Variants in HUS1 observed in about 807,000 individuals in gnomAD.
HUS1 encodes the protein HUS1 checkpoint clamp component, also known as checkpoint protein HUS1.
HUS1 carries 31 observed loss-of-function variants against 32.6 expected under a neutral mutation model. That is an observed-to-expected ratio of 0.95 (90% CI 0.72 to 1.28). HUS1 has a LOEUF of 1.28. HUS1 is among the 50% of genes most tolerant of loss of function. The probability of loss-of-function intolerance (pLI) is 0.00; values close to 1 mark genes in which losing one functional copy is unlikely to be tolerated. For missense variants in HUS1, 340 were observed against 337.7 expected (o/e 1.01, Z -0.05); for synonymous variants, 123 against 116.6 (o/e 1.06, Z -0.36).
chr7:47,979,113 G>T (rs551893371), intron 1 of HUS1, among the ~76,000 whole-genome samples: 1 of 152,220 alleles, frequency 6.6e-6, no homozygotes, highest in Admixed American at 6.5e-5. Flanking sequence ...ACAGTTAAAT[G>T]CAAGGTTAGG....
intron 1 of HUS1, 80 bp downstream of exon 1, chr7:47,979,388 G>C: frequency 6.5e-7 from 1 of 1,531,852 alleles, no homozygotes; most frequent in South Asian, 1.1e-5. Context: ...TCCCCGTTCT[G>C]ATCCTCCTGC....
At chr7:47,974,335 T>C (rs1029819906) in intron 5 of HUS1, among the ~76,000 whole-genome samples, 1 of 140,534 alleles carries the variant, frequency 7.1e-6, no homozygotes, top group Non-Finnish European at 1.5e-5. Flanking sequence ...TGATTTACCA[T>C]GTACACTGGA....
intron 7 of HUS1, among the ~76,000 whole-genome samples, chr7:47,965,747 G>A (rs761224818): frequency 4.6e-5 from 7 of 152,184 alleles, no homozygotes; most frequent in Non-Finnish European, 1.0e-4. Context: ...GCAGCGAAGA[G>A]CAGCTCCTCA....
chr7:47,975,356 C>T (rs1288165141), intron 5 of HUS1, among the ~76,000 whole-genome samples: 1 of 148,696 alleles, frequency 6.7e-6, no homozygotes, highest in Non-Finnish European at 1.5e-5. Context: ...ATGTTTCATA[C>T]AAAATATAAG....
intron 7 of HUS1, 68 bp from the exon 8 acceptor site, chr7:47,965,506 A>C (rs981459714): frequency 4.4e-6 from 5 of 1,149,194 alleles, no homozygotes; most frequent in African/African-American, 1.5e-5. Context: ...CTACTTTTTC[A>C]GAACAGCCTT....
Position 47,964,638 on chromosome 7 carries a change from GAAGA to G in HUS1, c.*714_*717del, listed in dbSNP as rs145853357. Reference sequence around the variant, plus strand: ...AGAACGACAGATCCGATACACTGTGGAAGAAAGAAATATAAGGAATTACAACCTA... The same window carrying G: ...AGAACGACAGATCCGATACACTGTGGAAGAAATATAAGGAATTACAACCTA... On this transcript the variant is annotated 3_prime_UTR_variant, in exon 8 of 8. Coordinates refer to ENST00000258774, the MANE Select transcript of HUS1 (RefSeq NM_004507.4). The G allele has an allele frequency of 6.6e-6, 1 of 152,332 alleles. No homozygotes were observed. The highest frequency in any genetic ancestry group is 1.5e-5 in the Non-Finnish European group (1 of 68,042). 9.4% of individuals were successfully genotyped at this position (152,332 alleles called of 1,614,324 possible).
chr7:47,969,050 C>A, intron 6 of HUS1, 169 bp downstream of exon 6: 1 of 551,454 alleles, frequency 1.8e-6, no homozygotes, highest in Non-Finnish European at 3.2e-6. Context: ...CTAACTGCCC[C>A]ACTACACCAC....
At chr7:47,978,667 C>A in intron 2 of HUS1, 22 bp downstream of exon 2, 3 of 1,613,780 alleles carry the variant, frequency 1.9e-6, no homozygotes, top group Non-Finnish European at 2.5e-6. Context: ...AGTGTGCAGG[C>A]CTCTCAGAAG....
Position 47,979,401 on chromosome 7 carries a change from G to C in HUS1, c.52+67C>G, listed in dbSNP as rs1437921388. 18 of 1,564,266 alleles carry C rather than the reference G, an allele frequency of 1.2e-5. No individual in the cohort carries two copies. In the East Asian group the frequency reaches 4.0e-4, roughly 35 times the overall value. On this transcript the variant is annotated intron_variant, in intron 1 of 7. Coordinates refer to ENST00000258774, the MANE Select transcript of HUS1 (RefSeq NM_004507.4). Reference sequence around the variant, plus strand: ...CATCCCCGTTCTGATCCTCCTGCGCGGTCCCCACCGCGCGCTCACTGCTTC... The same window carrying C: ...CATCCCCGTTCTGATCCTCCTGCGCCGTCCCCACCGCGCGCTCACTGCTTC...
Position 47,978,586 on chromosome 7 carries a change from A to T in HUS1, c.188T>A (p.Phe63Tyr), listed in dbSNP as rs1788758558. 1 of 1,613,968 alleles carries T rather than the reference A, an allele frequency of 6.2e-7. No individual in the cohort carries two copies. Among genetic ancestry groups the T allele is most frequent in the Non-Finnish European group, 8.5e-7 (1 of 1,179,806 alleles). ...SMWCELEQEN[F>Y]FNEFQMEGVS... ...ACCCTCCATTTGAAATTCGTTGAAG[A>T]AGTTCTCCTAAGGGAAAAAAAATGA... The change falls in exon 3 of 8, where the codon TTC (phenylalanine) becomes TAC (tyrosine). Residue 63 changes from phenylalanine (F) to tyrosine (Y), a missense_variant. Phe to Tyr is a conservative substitution (Grantham distance 22, BLOSUM62 3). Transcript: ENST00000258774.
At chr7:47,969,863 G>C (rs1026862429) in intron 5 of HUS1, among the ~76,000 whole-genome samples, 6 of 152,348 alleles carry the variant, frequency 3.9e-5, no homozygotes, top group Admixed American at 3.9e-4. Flanking sequence ...ACAAAGAATA[G>C]AGAATTCTAG....
intron 7 of HUS1, among the ~76,000 whole-genome samples, chr7:47,966,185 G>A (rs1250684895): frequency 6.6e-6 from 1 of 152,128 alleles, no homozygotes; most frequent in Non-Finnish European, 1.5e-5. Flanking sequence ...GAGAGGCAGA[G>A]ACTGAGGGTG....
chr7:47,975,951 T>C (rs1261831822), intron 4 of HUS1, among the ~76,000 whole-genome samples: 3 of 152,238 alleles, frequency 2.0e-5, no homozygotes, highest in Non-Finnish European at 4.4e-5. Flanking sequence ...GGGCATTCTT[T>C]TGGCTCAAGA....
chr7:47,967,673 TA>T, intron 7 of HUS1, 132 bp downstream of exon 7: 1 of 873,988 alleles, frequency 1.1e-6, no homozygotes. Flanking sequence ...TCTAGGAAGT[TA>T]AAGTCCACAT....
chr7:47,976,900 C>T, intron 3 of HUS1, 63 bp from the exon 4 acceptor site: 1 of 1,099,122 alleles, frequency 9.1e-7, no homozygotes, highest in South Asian at 1.3e-5. Flanking sequence ...ACAAAACAAA[C>T]CCGAAGACCC....
intron 5 of HUS1, among the ~76,000 whole-genome samples, chr7:47,975,211 G>A (rs1056462224): frequency 3.3e-5 from 5 of 151,648 alleles, no homozygotes; most frequent in South Asian, 2.1e-4. Context: ...CCAGCTACTC[G>A]GGAGGCTGAG....
At position 47,967,790 on chromosome 7, in the gene HUS1, A is replaced by T; in HGVS notation, c.760+16T>A. Reference sequence around the variant, plus strand: ...TATGAAAGAATATGAAAAACAAAACAGAGAAGCACACTCACTGCATAAGGC... The same window carrying T: ...TATGAAAGAATATGAAAAACAAAACTGAGAAGCACACTCACTGCATAAGGC... On this transcript the variant is annotated intron_variant, in intron 7 of 7. Coordinates refer to ENST00000258774, the MANE Select transcript of HUS1 (RefSeq NM_004507.4). The T allele has an allele frequency of 6.2e-7, 1 of 1,606,740 alleles. No individual in the cohort carries two copies. Among genetic ancestry groups the T allele is most frequent in the Non-Finnish European group, 8.5e-7 (1 of 1,176,740 alleles).
intron 5 of HUS1, among the ~76,000 whole-genome samples, chr7:47,973,276 A>C (rs1393965960): frequency 6.6e-6 from 1 of 152,220 alleles, no homozygotes; most frequent in African/African-American, 2.4e-5. Context: ...ATCACAAAGT[A>C]CTGCTACATG....
At chr7:47,973,224 A>T (rs970184015) in intron 5 of HUS1, among the ~76,000 whole-genome samples, 1 of 152,306 alleles carries the variant, frequency 6.6e-6, no homozygotes, top group African/African-American at 2.4e-5. Context: ...GTCTCAGGTA[A>T]TATCTTTTTA....
Sources: allele counts gnomAD v4.1 joint callset (sites outside exome capture counted in the v4.1 genomes callset), GRCh38; gene constraint gnomAD v4.1.1; transcripts MANE v1.5; gene names NCBI Gene and HGNC (gene_info 2026-07-23, HGNC 2026-07-21).